CSMD1: variants seen among roughly 807,000 people sequenced by gnomAD.
CSMD1 encodes the protein CUB and sushi domain-containing protein 1.
Under a neutral mutation model 417.5 loss-of-function variants are expected in CSMD1, and 213 were observed. The observed-to-expected ratio is 0.51, with a 90% CI of 0.46 to 0.57. CSMD1 has a LOEUF of 0.57. Among genes scored for constraint, CSMD1 ranks in the 20% least tolerant of loss-of-function variants. The probability of loss-of-function intolerance (pLI) is 0.00; values close to 1 mark genes in which losing one functional copy is unlikely to be tolerated. For missense variants in CSMD1, 6,923 were observed against 4,529.7 expected (o/e 1.53, Z -15.17); for synonymous variants, 2,862 against 1,736.8 (o/e 1.65, Z -16.11).
intron 26 of CSMD1, among the ~76,000 whole-genome samples, chr8:3,252,130 G>C (rs1021622214): frequency 5.3e-5 from 8 of 152,188 alleles, no homozygotes; most frequent in Admixed American, 3.9e-4. Flanking sequence ...GCGCATCCCT[G>C]TCTTGTGACA....
intron 3 of CSMD1, among the ~76,000 whole-genome samples, chr8:4,219,656 G>C (rs1714720): frequency 0.47 from 71,025 of 152,126 alleles, 18,718 homozygotes; most frequent in Non-Finnish European, 0.59. Context: ...CTAATGAAGA[G>C]TGAGATCATT....
intron 3 of CSMD1, among the ~76,000 whole-genome samples, chr8:4,348,734 G>A (rs1800920863): frequency 6.6e-6 from 1 of 152,004 alleles, no homozygotes; most frequent in Admixed American, 6.6e-5. Flanking sequence ...TTCGTCTTTA[G>A]GAAGACCGTG....
chr8:4,679,767 T>C (rs1006213161), intron 1 of CSMD1, among the ~76,000 whole-genome samples: 8 of 152,206 alleles, frequency 5.3e-5, no homozygotes, highest in Admixed American at 3.9e-4. Flanking sequence ...AATGAAGCTT[T>C]ATGCTAAGTA....
chr8:3,414,786 G>C (rs554934533), intron 12 of CSMD1, among the ~76,000 whole-genome samples: 1 of 152,122 alleles, frequency 6.6e-6, no homozygotes, highest in African/African-American at 2.4e-5. Context: ...CCCCTCTTCA[G>C]CCTTCACACC....
At chr8:3,127,800 CA>C (rs1488866857) in intron 41 of CSMD1, 2 of 147,424 alleles carry the variant, frequency 1.4e-5, no homozygotes, top group Non-Finnish European at 3.0e-5. Context: ...TAGAATGCAG[CA>C]ATATGCTTTA....
chr8:3,687,691 G>A (rs779809357), intron 7 of CSMD1, among the ~76,000 whole-genome samples: 1 of 152,172 alleles, frequency 6.6e-6, no homozygotes, highest in Non-Finnish European at 1.5e-5. Context: ...GAGCCCCACC[G>A]TGCTAACTGA....
chr8:3,926,531 C>A (rs550798285), intron 5 of CSMD1, among the ~76,000 whole-genome samples: 2 of 151,738 alleles, frequency 1.3e-5, no homozygotes, highest in African/African-American at 2.4e-5. Flanking sequence ...TTACAAAAAG[C>A]AAATAATTGT....
intron 3 of CSMD1, among the ~76,000 whole-genome samples, chr8:4,240,577 CT>C (rs1010744917): frequency 6.6e-6 from 1 of 152,130 alleles, no homozygotes; most frequent in African/African-American, 2.4e-5. Context: ...TTTATTTTAT[CT>C]TTTAGCTCAA....
At chr8:3,863,929 A>G (rs1804903842) in intron 5 of CSMD1, among the ~76,000 whole-genome samples, 1 of 152,232 alleles carries the variant, frequency 6.6e-6, no homozygotes, top group Non-Finnish European at 1.5e-5. Context: ...GCTTATGGAA[A>G]AATGACCTCC....
At chr8:4,516,776 T>C (rs1018141033) in intron 2 of CSMD1, among the ~76,000 whole-genome samples, 2 of 152,188 alleles carry the variant, frequency 1.3e-5, no homozygotes, top group Non-Finnish European at 2.9e-5. Context: ...TCAACTCATG[T>C]AAAGTTCTTG....
At chr8:4,087,538 G>T (rs1800482897) in intron 3 of CSMD1, among the ~76,000 whole-genome samples, 1 of 152,088 alleles carries the variant, frequency 6.6e-6, no homozygotes, top group South Asian at 2.1e-4. Flanking sequence ...GCAAGGCGAG[G>T]CTTTCCCTGG....
intron 5 of CSMD1, among the ~76,000 whole-genome samples, chr8:3,967,816 C>A (rs577254798): frequency 2.0e-5 from 3 of 151,954 alleles, no homozygotes; most frequent in African/African-American, 7.3e-5. Flanking sequence ...TGAGAATATA[C>A]GCTTATAGAT....
chr8:3,968,778 T>C (rs897953566), intron 5 of CSMD1, among the ~76,000 whole-genome samples: 3 of 152,142 alleles, frequency 2.0e-5, no homozygotes, highest in Admixed American at 6.5e-5. Context: ...TGGGTGGGGA[T>C]TTGTAATTAC....
chr8:3,383,358 G>A (rs1255691210), intron 18 of CSMD1, among the ~76,000 whole-genome samples: 1 of 152,082 alleles, frequency 6.6e-6, no homozygotes. Context: ...TGAACGGAGG[G>A]AAGCCTTCTT....
intron 50 of CSMD1, among the ~76,000 whole-genome samples, chr8:3,033,486 G>C (rs1810475219): frequency 6.6e-6 from 1 of 151,958 alleles, no homozygotes; most frequent in South Asian, 2.1e-4. Flanking sequence ...TGAGAATGAC[G>C]GTTAACACGG....
chr8:3,573,529 C>G (rs532502720), intron 10 of CSMD1, among the ~76,000 whole-genome samples: 1 of 152,078 alleles, frequency 6.6e-6, no homozygotes, highest in Non-Finnish European at 1.5e-5. Context: ...GAGTTTTACC[C>G]AGCTCTGCTC....
intron 3 of CSMD1, among the ~76,000 whole-genome samples, chr8:4,389,129 G>C (rs1026976410): frequency 2.0e-5 from 3 of 152,170 alleles, no homozygotes; most frequent in African/African-American, 7.2e-5. Context: ...TAAATATTAA[G>C]TGTATCTGTT....
At chr8:3,917,988 G>A (rs1201990084) in intron 5 of CSMD1, among the ~76,000 whole-genome samples, 1 of 152,028 alleles carries the variant, frequency 6.6e-6, no homozygotes, top group East Asian at 1.9e-4. Flanking sequence ...TTACCACGAT[G>A]TCTTCCCGAT....
At position 3,157,928 on chromosome 8, in the gene CSMD1, G is replaced by A; in HGVS notation, c.5883C>T (p.Arg1961=). ...SHISCMPGTV[R]RWNYPSPLCI... ...ACAGGGGAGACGGATAGTTCCAACG[G>A]CGAACGGTCCCTGGCATACAGGAAA... Residue 1961 remains arginine, a synonymous_variant, in exon 39 of 70, where the codon CGC becomes CGT. Transcript: ENST00000635120. 6.4e-7 allele frequency: 1 copy of A among 1,555,044 alleles called. No individual in the cohort carries two copies. The highest frequency in any genetic ancestry group is 8.7e-7 in the Non-Finnish European group (1 of 1,148,890).
Sources: allele counts gnomAD v4.1 joint callset (sites outside exome capture counted in the v4.1 genomes callset), GRCh38; gene constraint gnomAD v4.1.1; transcripts MANE v1.5; gene names NCBI Gene and HGNC (gene_info 2026-07-23, HGNC 2026-07-21).